The following XRRA1 variants were observed in gnomAD, a reference collection of about 807,000 sequenced individuals.
The protein encoded by XRRA1 is X-ray radiation resistance associated 1.
XRRA1 carries 69 observed loss-of-function variants against 80.2 expected under a neutral mutation model. The observed-to-expected ratio is 0.86, with a 90% CI of 0.71 to 1.05. XRRA1 has a LOEUF of 1.05. Among genes scored for constraint, XRRA1 ranks in the 50% least tolerant of loss-of-function variants. XRRA1 has a pLI of 0.00. For missense variants in XRRA1, 967 were observed against 976.4 expected, an observed-to-expected ratio of 0.99 and a Z score of 0.13; for synonymous variants, 348 against 389.9, an observed-to-expected ratio of 0.89 and a Z score of 1.27.
chr11:74,867,742 C>T (rs1274288297), intron 10 of XRRA1, among the ~76,000 whole-genome samples: 1 of 152,068 alleles, frequency 6.6e-6, no homozygotes, highest in African/African-American at 2.4e-5. Context: ...TGAAATACTA[C>T]ACAAGAAGAC....
intron 10 of XRRA1, among the ~76,000 whole-genome samples, chr11:74,874,033 C>T (rs1004456119): frequency 1.3e-5 from 2 of 151,898 alleles, no homozygotes; most frequent in African/African-American, 2.4e-5. Flanking sequence ...GTCAAGAGAT[C>T]AAGACCATCC....
intron 14 of XRRA1, 103 bp from the exon 15 acceptor site, chr11:74,848,565 G>C (rs2038927301): frequency 1.9e-6 from 2 of 1,069,410 alleles, no homozygotes; most frequent in African/African-American, 1.6e-5. Flanking sequence ...GGAGTGCTGG[G>C]TACGGACTGA....
chr11:74,880,341 T>C (rs1453578441), intron 10 of XRRA1, among the ~76,000 whole-genome samples: 1 of 152,194 alleles, frequency 6.6e-6, no homozygotes, highest in East Asian at 1.9e-4. Flanking sequence ...TTGCATCTAT[T>C]CGATTCTTCT....
chr11:74,864,312 G>A (rs905629903), intron 10 of XRRA1, among the ~76,000 whole-genome samples: 7 of 152,250 alleles, frequency 4.6e-5, no homozygotes, highest in Non-Finnish European at 1.0e-4. Flanking sequence ...TCATAAAATG[G>A]AAGACTGAGT....
At chr11:74,867,841 C>CA (rs61428267) in intron 10 of XRRA1, among the ~76,000 whole-genome samples, 6,553 of 138,074 alleles carry the variant, frequency 0.047, 494 homozygotes, top group African/African-American at 0.16. Flanking sequence ...AGGTCACCTA[C>CA]AAAAAAAAAC....
At chr11:74,919,714 C>A in intron 8 of XRRA1, 1 of 498,810 alleles carries the variant, frequency 2.0e-6, no homozygotes. Context: ...AAGCATGCCC[C>A]TTGAGCACTC....
chr11:74,878,328 A>C (rs2136509402), intron 10 of XRRA1, among the ~76,000 whole-genome samples: 1 of 151,306 alleles, frequency 6.6e-6, no homozygotes, highest in Admixed American at 6.6e-5. Flanking sequence ...TTTTCTTGTA[A>C]ATTTGTTTGA....
At position 74,911,910 on chromosome 11, in the gene XRRA1, G is replaced by A. The variant is rs537896564; in HGVS notation, c.657-4637C>T. 5.9e-5 allele frequency among the ~76,000 whole-genome samples: 9 copies of A among 152,314 alleles called. No individual in the cohort carries two copies. In the East Asian group the frequency reaches 7.7e-4, roughly 13 times the overall value. On this transcript the variant is annotated intron_variant, in intron 8 of 18. Transcript: ENST00000684022. ...TCAAAGCCCAGGGTACCCTGAAGGT[G>A]GGGAGTTTAATCAGAGACCCTTTAT... is the stretch of plus-strand genomic sequence containing the variant.
chr11:74,874,460 G>A (rs1192341798), intron 10 of XRRA1, among the ~76,000 whole-genome samples: 1 of 152,120 alleles, frequency 6.6e-6, no homozygotes, highest in African/African-American at 2.4e-5. Flanking sequence ...CAGCTCAACA[G>A]CCAGTGGGCT....
chr11:74,935,507 T>C (rs1014757523), intron 4 of XRRA1, among the ~76,000 whole-genome samples: 2 of 152,180 alleles, frequency 1.3e-5, no homozygotes, highest in African/African-American at 4.8e-5. Context: ...GTCATGGCAG[T>C]CGAGATGAGA....
At chr11:74,859,605 C>G (rs532867493) in intron 11 of XRRA1, among the ~76,000 whole-genome samples, 60 of 152,282 alleles carry the variant, frequency 3.9e-4, no homozygotes, top group African/African-American at 1.4e-3. Context: ...TCCCTCTACC[C>G]TACAGCAGCT....
chr11:74,878,582 T>C (rs1590901751), intron 10 of XRRA1, among the ~76,000 whole-genome samples: 1 of 151,750 alleles, frequency 6.6e-6, no homozygotes, highest in African/African-American at 2.4e-5. Flanking sequence ...TCTTCTAGGG[T>C]TTTTATGGTT....
At chr11:74,947,931 G>C (rs1015035571) in intron 1 of XRRA1, among the ~76,000 whole-genome samples, 2 of 151,830 alleles carry the variant, frequency 1.3e-5, no homozygotes, top group African/African-American at 2.4e-5. Flanking sequence ...CACCATGTTG[G>C]CCAGGCTGGT....
At chr11:74,901,682 C>T (rs2053600656) in intron 10 of XRRA1, among the ~76,000 whole-genome samples, 2 of 152,152 alleles carry the variant, frequency 1.3e-5, no homozygotes, top group Admixed American at 1.3e-4. Flanking sequence ...CAAGAACACA[C>T]ATTGGGGAAA....
At chr11:74,948,521 A>C (rs1453097321) in intron 1 of XRRA1, among the ~76,000 whole-genome samples, 1 of 152,240 alleles carries the variant, frequency 6.6e-6, no homozygotes, top group Non-Finnish European at 1.5e-5. Flanking sequence ...ATACTATTAC[A>C]TCCTAAAACC....
intron 10 of XRRA1, among the ~76,000 whole-genome samples, chr11:74,866,812 G>A (rs2043548101): frequency 1.3e-5 from 2 of 151,870 alleles, no homozygotes; most frequent in South Asian, 4.2e-4. Context: ...AAAAAAGGAA[G>A]AAGAATGAAA....
chr11:74,919,842 T>C (rs1940106687), intron 8 of XRRA1: 1 of 417,908 alleles, frequency 2.4e-6, no homozygotes, highest in South Asian at 2.0e-5. Context: ...GCCGAATCCA[T>C]GTGCAGTTGT....
intron 8 of XRRA1, among the ~76,000 whole-genome samples, chr11:74,915,111 A>C (rs1938184416): frequency 1.3e-5 from 2 of 152,214 alleles, no homozygotes; most frequent in African/African-American, 2.4e-5. Flanking sequence ...AACACAGGGG[A>C]AGAGAAATCT....
chr11:74,844,017 C>A, intron 17 of XRRA1, 58 bp from the exon 18 acceptor site: 11 of 1,531,078 alleles, frequency 7.2e-6, no homozygotes, highest in Non-Finnish European at 9.9e-6. Context: ...ACTTCCCTGG[C>A]CTAACTTCAT....
Sources: gnomAD v4.1 joint callset for allele counts (sites outside exome capture counted in the v4.1 genomes callset) on GRCh38, gnomAD v4.1.1 for gene constraint, MANE v1.5 for transcripts, NCBI Gene and HGNC (gene_info 2026-07-23, HGNC 2026-07-21) for gene names.